Variants in TSC1 observed in about 807,000 individuals in gnomAD.
The protein encoded by TSC1 is hamartin.
Under a neutral mutation model 124.3 loss-of-function variants are expected in TSC1, and 20 were observed. The observed-to-expected ratio is 0.16, with a 90% CI of 0.11 to 0.23. The LOEUF (loss-of-function observed/expected upper bound fraction) is 0.23, where lower values mean the gene tolerates loss of function less well. TSC1 is among the 10% of genes least tolerant of loss of function. The pLI is 1.00. For missense variants in TSC1, 1,124 were observed against 1,448.5 expected, an observed-to-expected ratio of 0.78 and a Z score of 3.64; for synonymous variants, 493 against 539.1, an observed-to-expected ratio of 0.91 and a Z score of 1.19.
Position 132,892,130 on chromosome 9 carries a change from G to T in TSC1, c.*4105C>A. 4.3e-6 allele frequency: 1 copy of T among 233,222 alleles called. No homozygotes were observed. The allele number at this position is 233,222 out of a possible 1,614,324, so 14.4% of individuals were successfully genotyped here. On this transcript the variant is annotated 3_prime_UTR_variant, in exon 23 of 23. Transcript: ENST00000298552. Reference sequence around the variant, plus strand: ...GGCGAGCAGATAAGGACTGCAGGACGGCATGGAAGAGACAGGAACACGCTC... The same window carrying T: ...GGCGAGCAGATAAGGACTGCAGGACTGCATGGAAGAGACAGGAACACGCTC...
intron 15 of TSC1, among the ~76,000 whole-genome samples, chr9:132,904,849 CTG>C (rs1564480018): frequency 6.6e-6 from 1 of 152,210 alleles, no homozygotes; most frequent in African/African-American, 2.4e-5. Context: ...GGAGTACACT[CTG>C]TTGTAAAGCT....
At position 132,895,871 on chromosome 9, in the gene TSC1, A is replaced by G. The variant is rs1845005321; in HGVS notation, c.*364T>C. On this transcript the variant is annotated 3_prime_UTR_variant, in exon 23 of 23. Coordinates refer to ENST00000298552, the MANE Select transcript of TSC1 (RefSeq NM_000368.5). ...TTATCTGAACTTCGGGAAAGCAGAA[A>G]GTGGTGTGTTAGACTCAAAGATTAA... is the stretch of plus-strand genomic sequence containing the variant. The G allele has an allele frequency of 5.7e-6, 2 of 349,334 alleles. No homozygotes were observed. The highest frequency in any genetic ancestry group is 9.3e-5 in the East Asian group (2 of 21,580). The allele number at this position is 349,334 out of a possible 1,614,324, so 21.6% of individuals were successfully genotyped here.
Position 132,928,798 on chromosome 9 carries a change from C to G in TSC1, c.75G>C (p.Val25=). The G allele has an allele frequency of 6.2e-7, 1 of 1,614,168 alleles. No individual in the cohort carries two copies. The highest frequency in any genetic ancestry group is 1.7e-5 in the Admixed American group (1 of 60,024). The stretch of plus-strand genomic sequence containing the variant: ...TGAGGTTCTCTTTAAAGACAGCTGT[C>G]ACGTCGTCCCGCACACCCAGCATGG... ...DSPMLGVRDD[V]TAVFKENLNS... is the part of the protein sequence containing the mutation. Residue 25 remains valine (V), a synonymous_variant, in exon 3 of 23, where the codon GTG becomes GTC. Coordinates refer to ENST00000298552, the MANE Select transcript of TSC1 (RefSeq NM_000368.5).
In TSC1 at chr9:132,896,837, C is replaced by T. The variant is rs1184520629; in HGVS notation, c.2976-83G>A. On this transcript the variant is annotated intron_variant, in intron 22 of 22. Transcript: ENST00000298552. The surrounding 1 kb of genome is among the most constrained non-coding windows in gnomAD (Gnocchi z 4.5). ...GGATGTGGAATTACACTGACACTCA[C>T]TCACACTGACACTGAACTCCGCTAG... 7.5e-6 allele frequency: 12 copies of T among 1,599,586 alleles called. No homozygotes were observed. In the Admixed American group the frequency reaches 2.0e-4, roughly 27 times the overall value.
intron 20 of TSC1, among the ~76,000 whole-genome samples, chr9:132,898,777 T>C (rs11243929): frequency 0.25 from 37,707 of 152,036 alleles, 5,221 homozygotes; most frequent in African/African-American, 0.39. Context: ...TCCTCCTCCT[T>C]TGGATGGAAC....
Position 132,918,718 on chromosome 9 carries a change from A to C in TSC1, c.737+2645T>G, listed in dbSNP as rs1221041884. Among the ~76,000 whole-genome samples, 10 of 152,218 alleles carry C rather than the reference A, an allele frequency of 6.6e-5. No homozygotes were observed. The East Asian group carries it at 1.7e-3, about 26-fold the overall frequency. On this transcript the variant is annotated intron_variant, in intron 8 of 22. Coordinates refer to ENST00000298552, the MANE Select transcript of TSC1 (RefSeq NM_000368.5). The stretch of plus-strand genomic sequence containing the variant: ...ATCAGAAGACTACTTTCTAAAAAAC[A>C]TGACCAGCTCAAGAAGAAAACAATA...
intron 15 of TSC1, among the ~76,000 whole-genome samples, chr9:132,905,347 A>T (rs570161948): frequency 6.6e-6 from 1 of 152,276 alleles, no homozygotes; most frequent in African/African-American, 2.4e-5. Context: ...CCTATATAAA[A>T]AGACTCATTT....
rs963343341 is a variant in TSC1 at position 132,897,743 on chromosome 9, T to C, written c.2626-133A>G. The C allele has an allele frequency of 8.2e-6, 10 of 1,216,806 alleles. No individual in the cohort carries two copies. In the African/African-American group the frequency reaches 1.2e-4, roughly 15 times the overall value. 75.4% of individuals were successfully genotyped at this position (1,216,806 alleles called of 1,614,324 possible). A position where few individuals can be genotyped will look rare whatever the true frequency, so the allele number is the denominator to read the frequency against. On this transcript the variant is annotated intron_variant, in intron 20 of 22. Transcript: ENST00000298552. Reference sequence around the variant, plus strand: ...TACTGATAACAGAAATATAAACTAGTACAACTTTATGGAAAGTAAGCTGGT... The same window carrying C: ...TACTGATAACAGAAATATAAACTAGCACAACTTTATGGAAAGTAAGCTGGT...
At chr9:132,942,170 C>T (rs1366276381) in intron 1 of TSC1, 1 of 152,136 alleles carries the variant, frequency 6.6e-6, no homozygotes, top group Non-Finnish European at 1.5e-5. Context: ...CAAAATTCAC[C>T]CACCACTACA....
chr9:132,903,308 C>G lies in TSC1; in HGVS notation c.2208+343G>C, dbSNP rs985904181. On this transcript the variant is annotated intron_variant, in intron 17 of 22. Transcript: ENST00000298552. The surrounding 1 kb of genome is among the most constrained non-coding windows in gnomAD (Gnocchi z 5.9). ...AGATTCAAACTCCAGGCCTGACTGGCTTCACACCCGCTGTACAATACACGC... is the reference window on the plus strand; with the variant it reads ...AGATTCAAACTCCAGGCCTGACTGGGTTCACACCCGCTGTACAATACACGC... Among the ~76,000 whole-genome samples the G allele has an allele frequency of 3.9e-5, 6 of 152,250 alleles. No homozygotes were observed. The highest frequency in any genetic ancestry group is 1.4e-4 in the African/African-American group (6 of 41,462).
At chr9:132,913,143 G>A (rs533385434) in intron 8 of TSC1, among the ~76,000 whole-genome samples, 42 of 152,226 alleles carry the variant, frequency 2.8e-4, no homozygotes, top group African/African-American at 9.9e-4. Context: ...TGTTGCTCAT[G>A]CTGGTCTCGA....
intron 20 of TSC1, chr9:132,900,387 A>G: frequency 2.6e-6 from 1 of 386,250 alleles, no homozygotes; most frequent in South Asian, 2.1e-5. Context: ...GAGGTATGTT[A>G]AACAGAATTG....
chr9:132,904,383 G>A (rs1430319473), intron 16 of TSC1, 28 bp downstream of exon 16: 3 of 1,613,244 alleles, frequency 1.9e-6, no homozygotes, highest in Non-Finnish European at 1.7e-6. Flanking sequence ...CATGTGGGCT[G>A]GATTTGGAGC....
Position 132,903,579 on chromosome 9 carries a change from C to T in TSC1, c.2208+72G>A, listed in dbSNP as rs1845490942. 3 of 1,609,204 alleles carry T rather than the reference C, an allele frequency of 1.9e-6. No homozygotes were observed. The highest frequency in any genetic ancestry group is 2.2e-5 in the East Asian group (1 of 44,890). ...AACTCTGACCTCCTCGGCTGCTGTG[C>T]TTTATAAGCTATCATGCTGACCCAA... On this transcript the variant is annotated intron_variant, in intron 17 of 22. Transcript: ENST00000298552. This position sits in a 1 kb window ranked among gnomAD's most constrained non-coding sequence, Gnocchi z 5.9.
At position 132,896,223 on chromosome 9, in the gene TSC1, G is replaced by A; in HGVS notation, c.*12C>T. On this transcript the variant is annotated 3_prime_UTR_variant, in exon 23 of 23. Transcript: ENST00000298552. This position sits in a 1 kb window ranked among gnomAD's most constrained non-coding sequence, Gnocchi z 4.5. ...AACAATATGCAAGTTAACACTGATTGACCATCATTCCTTAGCTGTGTTCAT... is the reference window on the plus strand; with the variant it reads ...AACAATATGCAAGTTAACACTGATTAACCATCATTCCTTAGCTGTGTTCAT... 6.2e-7 allele frequency: 1 copy of A among 1,614,088 alleles called. No individual in the cohort carries two copies. The highest frequency in any genetic ancestry group is 8.5e-7 in the Non-Finnish European group (1 of 1,180,028).
intron 12 of TSC1, among the ~76,000 whole-genome samples, chr9:132,908,508 A>C (rs1300172668): frequency 6.6e-6 from 1 of 152,180 alleles, no homozygotes; most frequent in Non-Finnish European, 1.5e-5. Flanking sequence ...GCTGGAATGC[A>C]GTGGCGTGAT....
chr9:132,896,631 T>G lies in TSC1; in HGVS notation c.3099A>C (p.Arg1033Ser), dbSNP rs1015742388. The G allele has an allele frequency of 1.2e-6, 2 of 1,613,722 alleles. No individual in the cohort carries two copies. The highest frequency in any genetic ancestry group is 1.7e-6 in the Non-Finnish European group (2 of 1,179,848). The change falls in exon 23 of 23, where the codon AGA becomes AGC. Residue 1033 changes from arginine to serine, a missense_variant. Coordinates refer to ENST00000298552, the MANE Select transcript of TSC1 (RefSeq NM_000368.5). This position sits in a 1 kb window ranked among gnomAD's most constrained non-coding sequence, Gnocchi z 4.5. ...TGCTGCTGCTGCTGCCTCCACCACCTCTGCTTCCACTACTGCCCCGGGCGC... is the reference window on the plus strand; with the variant it reads ...TGCTGCTGCTGCTGCCTCCACCACCGCTGCTTCCACTACTGCCCCGGGCGC... ...PSSARGSSGS[R>S]GGGGSSSSSS... is the part of the protein sequence containing the mutation.
At position 132,910,709 on chromosome 9, in the gene TSC1, G is replaced by C. The variant is rs1845909117; in HGVS notation, c.1142-17C>G. 2.5e-6 allele frequency: 4 copies of C among 1,612,790 alleles called. No individual in the cohort carries two copies. The highest frequency in any genetic ancestry group is 1.3e-5 in the African/African-American group (1 of 74,820). On this transcript the variant is annotated splice_polypyrimidine_tract_variant and intron_variant, in intron 11 of 22. Transcript: ENST00000298552. ...TTCCACCTGCTTAGAGACAAGGGCA[G>C]AACATATATGAACACTGAGCCCAAC...
chr9:132,897,139 T>A (rs768053909), intron 22 of TSC1, 45 bp downstream of exon 22: 2 of 1,612,962 alleles, frequency 1.2e-6, no homozygotes, highest in Admixed American at 1.7e-5. Flanking sequence ...TATGCTGGAA[T>A]TGGCAGCTTA....
Sources: gnomAD v4.1 joint callset for allele counts (sites outside exome capture counted in the v4.1 genomes callset) on GRCh38, gnomAD v4.1.1 for gene constraint, Gnocchi (gnomAD v3.1) non-coding constraint, MANE v1.5 for transcripts, NCBI Gene and HGNC (gene_info 2026-07-23, HGNC 2026-07-21) for gene names.